The following TRPM4 variants were observed in gnomAD, a reference collection of about 807,000 sequenced individuals.
TRPM4 encodes the protein transient receptor potential cation channel subfamily M member 4, also known as calcium-activated non-selective cation channel 1.
A neutral mutation model predicts 135.6 loss-of-function variants in TRPM4; 124 were observed. That is an observed-to-expected ratio of 0.91 (90% CI 0.79 to 1.06). The LOEUF is 1.06. TRPM4 is among the 50% of genes least tolerant of loss of function. The probability of loss-of-function intolerance (pLI) is 0.00; values close to 1 mark genes in which losing one functional copy is unlikely to be tolerated. For synonymous variants in TRPM4, 745 were observed against 705.6 expected (o/e 1.06, Z -0.88); for missense variants, 1,658 against 1,671.4 (o/e 0.99, Z 0.14).
chr19:49,190,655 T>C, intron 15 of TRPM4, 41 bp from the exon 16 acceptor site: 1 of 1,601,164 alleles, frequency 6.2e-7, no homozygotes, highest in African/African-American at 1.3e-5. Context: ...CTCCACCTTC[T>C]CTTCCCCTCA....
chr19:49,197,024 C>A, intron 17 of TRPM4, 150 bp downstream of exon 17: 2 of 777,138 alleles, frequency 2.6e-6, no homozygotes, highest in Non-Finnish European at 4.0e-6. Context: ...GAAAGTCGGG[C>A]ATGACGATTG....
Position 49,181,374 on chromosome 19 carries a change from C to T in TRPM4, c.1176C>T (p.Ala392=). Residue 392 remains alanine (A), a synonymous_variant, in exon 10 of 25, where the codon GCC becomes GCT. Transcript: ENST00000252826. ...VKACGSSEAS[A]YLDELRLAVA... ...CCTGTGGGAGCTCGGAGGCCTCAGCCTACCTGGATGAGCTGCGTTTGGCTG... is the reference window on the plus strand; with the variant it reads ...CCTGTGGGAGCTCGGAGGCCTCAGCTTACCTGGATGAGCTGCGTTTGGCTG... The T allele has an allele frequency of 1.2e-6, 2 of 1,614,026 alleles. No homozygotes were observed. Among genetic ancestry groups the T allele is most frequent in the Non-Finnish European group, 1.7e-6 (2 of 1,180,016 alleles).
Position 49,171,490 on chromosome 19 carries a change from T to C in TRPM4, c.858+72T>C. On this transcript the variant is annotated intron_variant, in intron 7 of 24. Transcript: ENST00000252826. The surrounding 1 kb of genome is among the most constrained non-coding windows in gnomAD (Gnocchi z 4.7). ...GGCCAGGACTCCTGGGTCCTGAGTC[T>C]TAGGGAGGGTCTGGGGGTCTGACTC... is the stretch of plus-strand genomic sequence containing the variant. The C allele has an allele frequency of 6.2e-7, 1 of 1,611,254 alleles. No individual in the cohort carries two copies. The highest frequency in any genetic ancestry group is 8.5e-7 in the Non-Finnish European group (1 of 1,177,728).
At chr19:49,207,255 A>C (rs573086380) in intron 20 of TRPM4, among the ~76,000 whole-genome samples, 1 of 152,220 alleles carries the variant, frequency 6.6e-6, no homozygotes, top group Non-Finnish European at 1.5e-5. Flanking sequence ...CTCTTTCACC[A>C]TTGGGTATGA....
intron 9 of TRPM4, among the ~76,000 whole-genome samples, chr19:49,178,683 G>A (rs890230418): frequency 6.6e-6 from 1 of 152,026 alleles, no homozygotes; most frequent in Non-Finnish European, 1.5e-5. Context: ...GTGGGGCCAG[G>A]GTCGAGTGCC....
At chr19:49,173,852 T>G (rs1270852398) in intron 9 of TRPM4, among the ~76,000 whole-genome samples, 2 of 152,018 alleles carry the variant, frequency 1.3e-5, no homozygotes, top group African/African-American at 4.8e-5. Flanking sequence ...TTTTTTTTTG[T>G]ACAGACGAGG....
At chr19:49,175,952 CTT>C (rs1365416743) in intron 9 of TRPM4, among the ~76,000 whole-genome samples, 2 of 117,854 alleles carry the variant, frequency 1.7e-5, no homozygotes, top group South Asian at 3.1e-4. Context: ...TTTAAAGAGT[CTT>C]TGTCTGTCGC....
intron 16 of TRPM4, among the ~76,000 whole-genome samples, chr19:49,194,418 T>C (rs1248812544): frequency 6.6e-6 from 1 of 152,062 alleles, no homozygotes; most frequent in African/African-American, 2.4e-5. Flanking sequence ...CTAATTTTTA[T>C]ATGTTTTGTA....
chr19:49,174,840 A>G (rs150389042), intron 9 of TRPM4, among the ~76,000 whole-genome samples: 135 of 151,566 alleles, frequency 8.9e-4, no homozygotes, highest in African/African-American at 3.0e-3. Context: ...AGTGGGACAG[A>G]TAAGTATTCA....
At chr19:49,175,461 G>A (rs1268795156) in intron 9 of TRPM4, among the ~76,000 whole-genome samples, 3 of 151,654 alleles carry the variant, frequency 2.0e-5, no homozygotes, top group Non-Finnish European at 2.9e-5. Context: ...TGCCCATCTC[G>A]GCCTCCCAAC....
At chr19:49,203,396 G>A (rs557761785) in intron 20 of TRPM4, among the ~76,000 whole-genome samples, 2 of 151,940 alleles carry the variant, frequency 1.3e-5, no homozygotes, top group East Asian at 3.9e-4. Context: ...AGCCAGGATG[G>A]TTTCGATCTC....
chr19:49,182,791 G>A lies in TRPM4; in HGVS notation c.1477G>A (p.Gly493Arg). ...SAGTKAPALKGGAAELRPPDV... is the reference protein window; with the variant it reads ...SAGTKAPALKRGAAELRPPDV... The stretch of plus-strand genomic sequence containing the variant: ...AGGCACCAAAGCCCCAGCCCTAAAA[G>A]GGGGAGCTGCGGAGCTCCGGCCCCC... The change falls in exon 11 of 25, where the codon GGG becomes AGG. Residue 493 changes from glycine (G) to arginine (R), a missense_variant. Transcript: ENST00000252826. 1.3e-6 allele frequency: 2 copies of A among 1,577,686 alleles called. No individual in the cohort carries two copies. The highest frequency in any genetic ancestry group is 2.2e-5 in the South Asian group (2 of 89,862).
In TRPM4 at chr19:49,168,020, G is replaced by T. The variant is rs998729534; in HGVS notation, c.371G>T (p.Gly124Val). 6.2e-7 allele frequency: 1 copy of T among 1,613,492 alleles called. No homozygotes were observed. The highest frequency in any genetic ancestry group is 1.3e-5 in the African/African-American group (1 of 75,056). The change falls in exon 4 of 25, where the codon GGA becomes GTA. Residue 124 changes from glycine to valine, a missense_variant. Around this residue, in one of 3 missense-constraint regions of TRPM4, gnomAD observed 239 missense variants for 240.1 expected, o/e 1.00. Transcript: ENST00000252826. ...APNLVVSVLG[G>V]SGGPVLQTWL... Reference sequence around the variant, plus strand: ...AACCTGGTGGTGTCAGTGCTGGGGGGATCGGGGGGCCCCGTCCTCCAGACC... The same window carrying T: ...AACCTGGTGGTGTCAGTGCTGGGGGTATCGGGGGGCCCCGTCCTCCAGACC...
intron 12 of TRPM4, among the ~76,000 whole-genome samples, chr19:49,185,480 A>G (rs1398784424): frequency 6.6e-6 from 1 of 152,112 alleles, no homozygotes. Flanking sequence ...GGCTCAAGCA[A>G]TCCTCCTGCC....
At chr19:49,157,939 C>A in intron 1 of TRPM4, 49 bp downstream of exon 1, 1 of 1,526,908 alleles carries the variant, frequency 6.5e-7, no homozygotes, top group South Asian at 1.2e-5. Context: ...GGGACCTCGC[C>A]TCCAGGCTCC....
intron 12 of TRPM4, among the ~76,000 whole-genome samples, chr19:49,184,580 C>T (rs1046523479): frequency 3.3e-5 from 5 of 150,758 alleles, no homozygotes; most frequent in Admixed American, 6.6e-5. Context: ...CCTGCCTCCA[C>T]GCCATTCTCC....
intron 2 of TRPM4, chr19:49,158,958 G>A (rs1379138073): frequency 6.6e-6 from 1 of 151,990 alleles, no homozygotes; most frequent in South Asian, 2.1e-4. Context: ...GCTAGATAGG[G>A]TGTGTGCGTC....
intron 9 of TRPM4, among the ~76,000 whole-genome samples, chr19:49,177,165 G>A (rs1243146255): frequency 2.0e-5 from 3 of 151,980 alleles, no homozygotes; most frequent in Admixed American, 6.6e-5. Flanking sequence ...GAGAAAATAC[G>A]GCAGCTCTGC....
intron 16 of TRPM4, among the ~76,000 whole-genome samples, chr19:49,192,183 G>A (rs1425779206): frequency 6.6e-6 from 1 of 151,996 alleles, no homozygotes; most frequent in Non-Finnish European, 1.5e-5. Flanking sequence ...TTGCTCTGTC[G>A]CCAGGCAGGA....
Sources: allele counts gnomAD v4.1 joint callset (sites outside exome capture counted in the v4.1 genomes callset), GRCh38; gene constraint gnomAD v4.1.1; regional missense constraint gnomAD v4.1.1; non-coding constraint Gnocchi (gnomAD v3.1); transcripts MANE v1.5; gene names NCBI Gene and HGNC (gene_info 2026-07-23, HGNC 2026-07-21).